Variants in PPP2R5E observed in about 807,000 individuals in gnomAD.
PPP2R5E encodes the protein serine/threonine-protein phosphatase 2A 56 kDa regulatory subunit epsilon isoform.
A neutral mutation model predicts 65.3 loss-of-function variants in PPP2R5E; 4 were observed. The ratio of observed to expected loss-of-function variants is 0.06; its 90% confidence interval spans 0.03 to 0.14. PPP2R5E has a LOEUF of 0.14. Ranked by LOEUF, PPP2R5E falls within the 10% of genes least tolerant of loss-of-function variation. The pLI is 1.00. For missense variants in PPP2R5E, 274 were observed against 556.1 expected, an observed-to-expected ratio of 0.49 and a Z score of 5.10; for synonymous variants, 183 against 187.4, an observed-to-expected ratio of 0.98 and a Z score of 0.19.
intron 2 of PPP2R5E, among the ~76,000 whole-genome samples, chr14:63,475,989 T>C (rs1890393944): frequency 6.6e-6 from 1 of 152,190 alleles, no homozygotes; most frequent in South Asian, 2.1e-4. Flanking sequence ...TGTCTATATA[T>C]TCAAACATGA....
chr14:63,455,831 C>CA lies in PPP2R5E; in HGVS notation c.158-1947_158-1946insT, dbSNP rs1555362017. ...ATGCTGCAAAGGGGGCAAGAAAAAG[C>CA]TTTTTTTTTTTTAGTTTGAGATGAA... On this transcript the variant is annotated intron_variant, in intron 2 of 13. Coordinates refer to ENST00000337537, the MANE Select transcript of PPP2R5E (RefSeq NM_006246.5). 6.9e-5 allele frequency among the ~76,000 whole-genome samples: 10 copies of CA among 144,266 alleles called. No homozygotes were observed. The South Asian group carries it at 1.5e-3, about 22-fold the overall frequency. 94.6% of individuals were successfully genotyped at this position (144,266 alleles called of 152,430 possible).
At chr14:63,525,230 TC>T (rs1325270273) in intron 2 of PPP2R5E, among the ~76,000 whole-genome samples, 3 of 152,120 alleles carry the variant, frequency 2.0e-5, no homozygotes, top group Non-Finnish European at 4.4e-5. Flanking sequence ...CCTGACTTTC[TC>T]CTCCCAAATT....
At chr14:63,398,705 G>A (rs1375594053) in intron 5 of PPP2R5E, among the ~76,000 whole-genome samples, 3 of 152,178 alleles carry the variant, frequency 2.0e-5, no homozygotes, top group Admixed American at 2.0e-4. Context: ...CAGAAGAATT[G>A]CTTGAACCTG....
chr14:63,392,154 A>C, intron 8 of PPP2R5E, 129 bp from the exon 9 acceptor site: 1 of 609,336 alleles, frequency 1.6e-6, no homozygotes, highest in Non-Finnish European at 2.7e-6. Flanking sequence ...ATTCATTTTA[A>C]TTATCATAAA....
intron 2 of PPP2R5E, among the ~76,000 whole-genome samples, chr14:63,517,105 C>A (rs1032044248): frequency 6.6e-6 from 1 of 152,092 alleles, no homozygotes; most frequent in African/African-American, 2.4e-5. Flanking sequence ...GGTCAACTAT[C>A]CTTGCATCTG....
chr14:63,489,180 TG>T (rs957442582), intron 2 of PPP2R5E, among the ~76,000 whole-genome samples: 1 of 151,862 alleles, frequency 6.6e-6, no homozygotes, highest in African/African-American at 2.4e-5. Context: ...TGCATTAATT[TG>T]GGGGGGTAGT....
intron 3 of PPP2R5E, among the ~76,000 whole-genome samples, chr14:63,435,342 A>G (rs1374579430): frequency 6.6e-6 from 1 of 152,086 alleles, no homozygotes; most frequent in Non-Finnish European, 1.5e-5. Flanking sequence ...TACCGAAACT[A>G]TGGGTGATTC....
At chr14:63,386,849 G>A (rs1201331709) in intron 11 of PPP2R5E, among the ~76,000 whole-genome samples, 6 of 151,896 alleles carry the variant, frequency 4.0e-5, no homozygotes, top group Middle Eastern at 3.4e-3. Context: ...GCTTGAACCC[G>A]GGAGGCAGAT....
chr14:63,415,376 T>G (rs1465406133), intron 4 of PPP2R5E, 144 bp from the exon 5 acceptor site: 3 of 493,016 alleles, frequency 6.1e-6, no homozygotes, highest in Non-Finnish European at 1.1e-5. Context: ...CAGCCTTTCT[T>G]GTGGCTCACA....
At position 63,372,414 on chromosome 14, in the gene PPP2R5E, T is replaced by C. The variant is rs1288800142; in HGVS notation, c.*3595A>G. The C allele has an allele frequency of 3.9e-5, 6 of 152,176 alleles. No individual in the cohort carries two copies. The highest frequency in any genetic ancestry group is 7.4e-5 in the Non-Finnish European group (5 of 68,014). 9.4% of individuals were successfully genotyped at this position (152,176 alleles called of 1,614,324 possible). A position where few individuals can be genotyped will look rare whatever the true frequency, so the allele number is the denominator to read the frequency against. On this transcript the variant is annotated 3_prime_UTR_variant, in exon 14 of 14. Transcript: ENST00000337537. ...GAGCCAGAATACAAAAATAAAAATA[T>C]TGATGTGCAAATAAAACATCAGTGA...
intron 2 of PPP2R5E, among the ~76,000 whole-genome samples, chr14:63,474,370 A>G (rs144804109): frequency 2.9e-4 from 44 of 152,268 alleles, no homozygotes; most frequent in Non-Finnish European, 5.4e-4. Context: ...GTCAGCAAGT[A>G]AAAGAGGGAA....
In PPP2R5E at chr14:63,541,728, A is replaced by G. The variant is rs547374018; in HGVS notation, c.-8+1051T>C. ...ATAAAAAGTTACCTGGATTACGTGG[A>G]TTTTGACAATGTAAAAATAACAAAA... On this transcript the variant is annotated intron_variant, in intron 1 of 13. Coordinates refer to ENST00000337537, the MANE Select transcript of PPP2R5E (RefSeq NM_006246.5). Among the ~76,000 whole-genome samples, 3 of 152,316 alleles carry G rather than the reference A, an allele frequency of 2.0e-5. No individual in the cohort carries two copies. In the East Asian group the frequency reaches 5.8e-4, roughly 29 times the overall value.
At chr14:63,515,004 C>T (rs1007847245) in intron 2 of PPP2R5E, among the ~76,000 whole-genome samples, 1 of 152,182 alleles carries the variant, frequency 6.6e-6, no homozygotes, top group African/African-American at 2.4e-5. Flanking sequence ...TTTCATAACT[C>T]TACCCTGCTG....
chr14:63,431,222 C>T (rs996514886), intron 3 of PPP2R5E, among the ~76,000 whole-genome samples: 9 of 151,230 alleles, frequency 6.0e-5, no homozygotes, highest in African/African-American at 1.9e-4. Context: ...GAGCCAAGAT[C>T]ACGCCACTGC....
At chr14:63,510,980 A>G (rs1398365003) in intron 2 of PPP2R5E, among the ~76,000 whole-genome samples, 1 of 152,224 alleles carries the variant, frequency 6.6e-6, no homozygotes, top group African/African-American at 2.4e-5. Flanking sequence ...TTCTAGACAT[A>G]TTTCAAAATA....
intron 11 of PPP2R5E, among the ~76,000 whole-genome samples, chr14:63,385,045 G>A (rs1884583347): frequency 6.6e-6 from 1 of 151,886 alleles, no homozygotes; most frequent in African/African-American, 2.4e-5. Context: ...TTCCAAAGTG[G>A]GCCAGGCACG....
intron 3 of PPP2R5E, among the ~76,000 whole-genome samples, chr14:63,433,032 GTTTTTTTT>G (rs747571866): frequency 0.014 from 1,325 of 96,518 alleles, 32 homozygotes; most frequent in African/African-American, 0.048. Context: ...GTTTTGTTTT[GTTTTTTTT>G]TTTTTTTTTT....
In PPP2R5E at chr14:63,425,883, C is replaced by G. The variant is rs17101162; in HGVS notation, c.355-3789G>C. 3.4e-3 allele frequency among the ~76,000 whole-genome samples: 515 copies of G among 152,280 alleles called. 3 individuals carry two copies. The highest frequency in any genetic ancestry group is 0.012 in the African/African-American group (479 of 41,560). On this transcript the variant is annotated intron_variant, in intron 3 of 13. Coordinates refer to ENST00000337537, the MANE Select transcript of PPP2R5E (RefSeq NM_006246.5). ...TTCTGACTTAGTCAAAACTTCATCTCTCAGTTACAGCAAAAGAAGGCCAAG... is the reference window on the plus strand; with the variant it reads ...TTCTGACTTAGTCAAAACTTCATCTGTCAGTTACAGCAAAAGAAGGCCAAG...
At chr14:63,416,081 T>C (rs1011779391) in intron 4 of PPP2R5E, among the ~76,000 whole-genome samples, 2 of 152,232 alleles carry the variant, frequency 1.3e-5, no homozygotes, top group Admixed American at 6.5e-5. Flanking sequence ...CAGTGGGGAA[T>C]CACTGCGTAT....
Sources: gnomAD v4.1 joint callset for allele counts (sites outside exome capture counted in the v4.1 genomes callset) on GRCh38, gnomAD v4.1.1 for gene constraint, MANE v1.5 for transcripts, NCBI Gene and HGNC (gene_info 2026-07-23, HGNC 2026-07-21) for gene names.